The following DOCK1 variants were observed in gnomAD, a reference collection of about 807,000 sequenced individuals.
DOCK1 encodes dedicator of cytokinesis 1, also known as dedicator of cytokinesis protein 1.
Under a neutral mutation model 262.7 loss-of-function variants are expected in DOCK1, and 138 were observed. The ratio of observed to expected loss-of-function variants is 0.53; its 90% CI spans 0.46 to 0.61. The LOEUF (loss-of-function observed/expected upper bound fraction) is 0.61, where lower values mean the gene tolerates loss of function less well. Among genes scored for constraint, DOCK1 ranks in the 20% least tolerant of loss-of-function variants. The pLI is 0.00. For missense variants in DOCK1, 1,908 were observed against 2,370.7 expected (o/e 0.80, Z 4.05); for synonymous variants, 866 against 867.4 (o/e 1.00, Z 0.03).
At chr10:126,993,551 T>G (rs1369546452) in intron 6 of DOCK1, among the ~76,000 whole-genome samples, 2 of 152,210 alleles carry the variant, frequency 1.3e-5, no homozygotes, top group Non-Finnish European at 2.9e-5. Context: ...GCTTTGTTAG[T>G]GAGACATATT....
intron 46 of DOCK1, among the ~76,000 whole-genome samples, chr10:127,421,439 A>G (rs2068503705): frequency 6.6e-6 from 1 of 152,222 alleles, no homozygotes; most frequent in Admixed American, 6.5e-5. Flanking sequence ...TACATTATGT[A>G]TATATTATAA....
intron 29 of DOCK1, among the ~76,000 whole-genome samples, chr10:127,299,208 C>T (rs907819988): frequency 2.6e-5 from 4 of 152,184 alleles, no homozygotes; most frequent in Non-Finnish European, 5.9e-5. Flanking sequence ...AAGTGATTCT[C>T]GTGCCTCAGC....
chr10:127,081,285 C>T (rs2136012316), intron 23 of DOCK1, among the ~76,000 whole-genome samples: 1 of 151,972 alleles, frequency 6.6e-6, no homozygotes, highest in Admixed American at 6.6e-5. Flanking sequence ...GGTGGTCTGT[C>T]CTCTGTGCCA....
chr10:127,185,105 GA>G (rs1429563798), intron 27 of DOCK1, among the ~76,000 whole-genome samples: 1 of 152,186 alleles, frequency 6.6e-6, no homozygotes, highest in Non-Finnish European at 1.5e-5. Context: ...GAGCAGGCCT[GA>G]AGGATGCTCA....
intron 29 of DOCK1, among the ~76,000 whole-genome samples, chr10:127,327,260 A>G (rs934949435): frequency 4.6e-5 from 7 of 152,202 alleles, no homozygotes; most frequent in East Asian, 1.9e-4. Flanking sequence ...ATATTCCAAT[A>G]TAAGGTGGTT....
At chr10:127,337,310 C>T (rs1225765317) in intron 29 of DOCK1, among the ~76,000 whole-genome samples, 1 of 152,142 alleles carries the variant, frequency 6.6e-6, no homozygotes, top group Non-Finnish European at 1.5e-5. Context: ...CTAGCTCATA[C>T]TTTGTACTTC....
chr10:127,379,366 C>T (rs183844311), intron 35 of DOCK1, among the ~76,000 whole-genome samples: 1 of 152,294 alleles, frequency 6.6e-6, no homozygotes, highest in African/African-American at 2.4e-5. Context: ...GGGGCTTTTT[C>T]AGAGGCAGCC....
intron 29 of DOCK1, among the ~76,000 whole-genome samples, chr10:127,336,391 C>T (rs2063191618): frequency 6.6e-6 from 1 of 151,532 alleles, no homozygotes; most frequent in Non-Finnish European, 1.5e-5. Flanking sequence ...CTTGAATTTC[C>T]ACGTTGTTTT....
intron 1 of DOCK1, among the ~76,000 whole-genome samples, chr10:126,949,527 G>T (rs1196528131): frequency 6.6e-6 from 1 of 152,134 alleles, no homozygotes; most frequent in Admixed American, 6.6e-5. Flanking sequence ...CAGGGCATCA[G>T]TACATCCCCT....
At chr10:127,432,141 G>A (rs1011623445) in intron 47 of DOCK1, among the ~76,000 whole-genome samples, 3 of 152,136 alleles carry the variant, frequency 2.0e-5, no homozygotes, top group Admixed American at 6.5e-5. Context: ...CCACGATACC[G>A]GTTCCTGGTG....
intron 27 of DOCK1, among the ~76,000 whole-genome samples, chr10:127,187,093 C>G (rs1019691557): frequency 6.6e-6 from 1 of 152,212 alleles, no homozygotes; most frequent in Non-Finnish European, 1.5e-5. Context: ...AGCCCAGGCT[C>G]GGGCAGGCAC....
At chr10:126,985,142 G>A (rs148484211) in intron 4 of DOCK1, among the ~76,000 whole-genome samples, 258 of 152,044 alleles carry the variant, frequency 1.7e-3, no homozygotes, top group Non-Finnish European at 3.0e-3. Context: ...CACCATGCCT[G>A]GCTAATTTTT....
At chr10:127,007,097 A>G (rs1324354216) in intron 10 of DOCK1, among the ~76,000 whole-genome samples, 2 of 152,144 alleles carry the variant, frequency 1.3e-5, no homozygotes, top group African/African-American at 2.4e-5. Context: ...CAGACCATGC[A>G]TCCTCTGAGC....
chr10:127,451,037 C>T (rs80312757), intron 51 of DOCK1, among the ~76,000 whole-genome samples: 1 of 152,132 alleles, frequency 6.6e-6, no homozygotes, highest in Non-Finnish European at 1.5e-5. Context: ...AGATGGATAA[C>T]TTGGTCGATA....
intron 29 of DOCK1, among the ~76,000 whole-genome samples, chr10:127,262,108 G>T (rs957137983): frequency 6.8e-6 from 1 of 146,404 alleles, no homozygotes; most frequent in Non-Finnish European, 1.5e-5. Context: ...TCCTCTGTGT[G>T]CATGTGGGTG....
At chr10:127,315,160 C>A in intron 29 of DOCK1, among the ~76,000 whole-genome samples, 1 of 152,058 alleles carries the variant, frequency 6.6e-6, no homozygotes, top group East Asian at 1.9e-4. Context: ...CTGCCCCCTC[C>A]TCCGTGAGAG....
chr10:127,015,556 G>T (rs2041807666), intron 12 of DOCK1, among the ~76,000 whole-genome samples: 1 of 152,060 alleles, frequency 6.6e-6, no homozygotes, highest in South Asian at 2.1e-4. Flanking sequence ...GAGCGAGCGG[G>T]TCTTCCTATT....
chr10:127,093,239 C>CTTTCTTTTTCTTTTCTTTCTTTCTTTCT (rs372397425), intron 23 of DOCK1, among the ~76,000 whole-genome samples: 2 of 94,262 alleles, frequency 2.1e-5, no homozygotes, highest in South Asian at 3.5e-4. Context: ...TTCTTTCTTT[C>CTTTCTTTTTCTTTTCTTTCTTTCTTTCT]TTCTTTTTTT....
intron 7 of DOCK1, among the ~76,000 whole-genome samples, chr10:126,997,394 G>C (rs1169027613): frequency 1.3e-5 from 2 of 152,126 alleles, no homozygotes; most frequent in Non-Finnish European, 2.9e-5. Flanking sequence ...AAGGATAGTG[G>C]CTTCTGCTTC....
Sources: allele counts gnomAD v4.1 joint callset (sites outside exome capture counted in the v4.1 genomes callset), GRCh38; gene constraint gnomAD v4.1.1; transcripts MANE v1.5; gene names NCBI Gene and HGNC (gene_info 2026-07-23, HGNC 2026-07-21).